Variants in STAC3 observed in about 807,000 individuals in gnomAD.
STAC3 encodes SH3 and cysteine rich domain 3, also known as SH3 and cysteine-rich domain-containing protein 3.
Under a neutral mutation model 48.5 loss-of-function variants are expected in STAC3, and 30 were observed. The ratio of observed to expected loss-of-function variants is 0.62; its 90% CI spans 0.46 to 0.84. The LOEUF (loss-of-function observed/expected upper bound fraction) is 0.84, where lower values mean the gene tolerates loss of function less well. Among genes scored for constraint, STAC3 ranks in the 40% least tolerant of loss-of-function variants. The pLI, the probability that STAC3 is intolerant of heterozygous loss-of-function variation, is 0.00. For synonymous variants in STAC3, 144 were observed against 158.6 expected, an observed-to-expected ratio of 0.91 and a Z score of 0.69; for missense variants, 419 against 462.6, an observed-to-expected ratio of 0.91 and a Z score of 0.86.
At chr12:57,250,389 C>T (rs1186251823) in intron 1 of STAC3, among the ~76,000 whole-genome samples, 1 of 42,390 alleles carries the variant, frequency 2.4e-5, no homozygotes. Context: ...GACTTCGTCT[C>T]AAAAAAAAAA....
intron 8 of STAC3, 25 bp from the exon 9 acceptor site, chr12:57,244,647 T>C (rs889854939): frequency 3.1e-6 from 5 of 1,612,926 alleles, no homozygotes; most frequent in Non-Finnish European, 4.2e-6. Context: ...GAATGATGAG[T>C]CTTAGGGCTC....
chr12:57,243,485 C>A lies in STAC3; in HGVS notation c.*327G>T. 1 of 562,524 alleles carries A rather than the reference C, an allele frequency of 1.8e-6. No homozygotes were observed. The highest frequency in any genetic ancestry group is 3.2e-6 in the Non-Finnish European group (1 of 310,328). 34.8% of individuals were successfully genotyped at this position (562,524 alleles called of 1,614,324 possible). A position where few individuals can be genotyped will look rare whatever the true frequency, so the allele number is the denominator to read the frequency against. ...AGTTTTGTCAAAAGTTTAATAAATT[C>A]GCAACATTCGACAGTTCGCCCTCCC... On this transcript the variant is annotated 3_prime_UTR_variant, in exon 12 of 12. Coordinates refer to ENST00000332782, the MANE Select transcript of STAC3 (RefSeq NM_145064.3).
At chr12:57,246,414 TCTCA>T (rs1340190679) in intron 6 of STAC3, among the ~76,000 whole-genome samples, 1 of 148,544 alleles carries the variant, frequency 6.7e-6, no homozygotes, top group Non-Finnish European at 1.5e-5. Flanking sequence ...CTTGACAGGG[TCTCA>T]CTTTCTCCCC....
rs2037894322 is a variant in STAC3, at chr12:57,251,108, T to C, written c.-117A>G. The C allele has an allele frequency of 2.2e-6, 1 of 452,094 alleles. No individual in the cohort carries two copies. Among genetic ancestry groups the C allele is most frequent in the Non-Finnish European group, 4.4e-6 (1 of 225,422 alleles). The allele number at this position is 452,094 out of a possible 1,614,324, so 28.0% of individuals were successfully genotyped here. ...TTCCTTGGGGGCTAAGCCCCCCCAG[T>C]ACCCCCTGTGTTCACACCAGCTACC... On this transcript the variant is annotated 5_prime_UTR_variant, in exon 1 of 12. Transcript: ENST00000332782.
intron 7 of STAC3, 74 bp downstream of exon 7, chr12:57,245,071 G>T: frequency 6.2e-7 from 1 of 1,604,712 alleles, no homozygotes; most frequent in Non-Finnish European, 8.5e-7. Flanking sequence ...CCTGCCCTTT[G>T]CTCCTCCACC....
At chr12:57,247,457 G>A (rs1452646062) in intron 5 of STAC3, among the ~76,000 whole-genome samples, 6 of 116,212 alleles carry the variant, frequency 5.2e-5, no homozygotes, top group East Asian at 2.4e-4. Flanking sequence ...TTTTTGAGAC[G>A]GAGTCTCGCT....
At chr12:57,246,033 C>T (rs1013798944) in intron 6 of STAC3, among the ~76,000 whole-genome samples, 7 of 147,536 alleles carry the variant, frequency 4.7e-5, no homozygotes, top group Non-Finnish European at 1.0e-4. Context: ...CGCTTGGACC[C>T]GGGAGGCAGA....
At position 57,243,615 on chromosome 12, in the gene STAC3, G is replaced by A; in HGVS notation, c.*197C>T. ...AAAGGTTTCGGGTCCGGGCTGCTCT[G>A]GGCAGCAGGTATCCGAGGCCCCAGG... On this transcript the variant is annotated 3_prime_UTR_variant, in exon 12 of 12. Transcript: ENST00000332782. The A allele has an allele frequency of 1.4e-6, 1 of 705,226 alleles. No homozygotes were observed. The highest frequency in any genetic ancestry group is 2.6e-6 in the Non-Finnish European group (1 of 389,260). The allele number at this position is 705,226 out of a possible 1,614,324, so 43.7% of individuals were successfully genotyped here.
In STAC3 at chr12:57,243,771, A is replaced by C; in HGVS notation, c.*41T>G. ...CCCAAACTCCACTGGGCCCGCCCAG[A>C]ATGGGGTGTGGGTGTCTCCCGCTTG... On this transcript the variant is annotated 3_prime_UTR_variant, in exon 12 of 12. Transcript: ENST00000332782. 1 of 1,584,180 alleles carries C rather than the reference A, an allele frequency of 6.3e-7. No homozygotes were observed. The highest frequency in any genetic ancestry group is 1.1e-5 in the South Asian group (1 of 89,682).
In STAC3 at chr12:57,243,886, C is replaced by T. The variant is rs1202014222; in HGVS notation, c.1021G>A (p.Ala341Thr). The T allele has an allele frequency of 6.2e-7, 1 of 1,614,000 alleles. No homozygotes were observed. The highest frequency in any genetic ancestry group is 1.7e-5 in the Admixed American group (1 of 59,992). ...DQIVVQKGDE[A>T]GGYVKVYTGR... is the part of the protein sequence containing the mutation. The stretch of plus-strand genomic sequence containing the variant: ...GTGTAGACCTTGACGTAGCCGCCCG[C>T]TTCGTCTCCTTTCTGCACCACGATC... The change falls in exon 12 of 12, where the codon GCG (alanine) becomes ACG (threonine). Residue 341 changes from alanine to threonine, a missense_variant. Ala to Thr is a moderately conservative substitution (Grantham distance 58). Coordinates refer to ENST00000332782, the MANE Select transcript of STAC3 (RefSeq NM_145064.3).
In STAC3 at chr12:57,245,142, C is replaced by G; in HGVS notation, c.670+3G>C. On this transcript the variant is annotated splice_donor_region_variant and intron_variant, in intron 7 of 11. Coordinates refer to ENST00000332782, the MANE Select transcript of STAC3 (RefSeq NM_145064.3). ...TCTCTGGATGGAGGTGGGTAACACT[C>G]ACCATCCTGGGGTTTGCCTTCCTCT... 6.2e-7 allele frequency: 1 copy of G among 1,614,026 alleles called. No homozygotes were observed. Among genetic ancestry groups the G allele is most frequent in the Non-Finnish European group, 8.5e-7 (1 of 1,179,926 alleles).
At chr12:57,246,366 C>T (rs1215063516) in intron 6 of STAC3, among the ~76,000 whole-genome samples, 3 of 147,936 alleles carry the variant, frequency 2.0e-5, no homozygotes, top group Admixed American at 1.4e-4. Context: ...TTTTCCCTTC[C>T]TTCCTTCCTT....
In STAC3 at chr12:57,243,767, C is replaced by G; in HGVS notation, c.*45G>C. 8 of 1,576,496 alleles carry G rather than the reference C, an allele frequency of 5.1e-6. No individual in the cohort carries two copies. The highest frequency in any genetic ancestry group is 7.0e-6 in the Non-Finnish European group (8 of 1,148,572). On this transcript the variant is annotated 3_prime_UTR_variant, in exon 12 of 12. Coordinates refer to ENST00000332782, the MANE Select transcript of STAC3 (RefSeq NM_145064.3). The stretch of plus-strand genomic sequence containing the variant: ...CCTCCCCAAACTCCACTGGGCCCGC[C>G]CAGAATGGGGTGTGGGTGTCTCCCG...
Position 57,243,459 on chromosome 12 carries a change from A to C in STAC3, c.*353T>G. 2.1e-6 allele frequency: 1 copy of C among 473,536 alleles called. No homozygotes were observed. The highest frequency in any genetic ancestry group is 4.0e-6 in the Non-Finnish European group (1 of 253,050). 29.3% of individuals were successfully genotyped at this position (473,536 alleles called of 1,614,324 possible). The stretch of plus-strand genomic sequence containing the variant: ...ACCCCAGTTAAATAACAACTTTTCT[A>C]AGTTTTGTCAAAAGTTTAATAAATT... On this transcript the variant is annotated 3_prime_UTR_variant, in exon 12 of 12. Coordinates refer to ENST00000332782, the MANE Select transcript of STAC3 (RefSeq NM_145064.3).
rs2037881760 is a variant in STAC3, at chr12:57,250,709, G to C, written c.-2+284C>G. Reference sequence around the variant, plus strand: ...CCCTACTTTTTTCTTGAGCCCTGGGGGCCCTGTGCCTAGTTCTGTCCCAGC... The same window carrying C: ...CCCTACTTTTTTCTTGAGCCCTGGGCGCCCTGTGCCTAGTTCTGTCCCAGC... On this transcript the variant is annotated intron_variant, in intron 1 of 11. Coordinates refer to ENST00000332782, the MANE Select transcript of STAC3 (RefSeq NM_145064.3). Among the ~76,000 whole-genome samples, 4 of 152,116 alleles carry C rather than the reference G, an allele frequency of 2.6e-5. No homozygotes were observed. In the South Asian group the frequency reaches 8.3e-4, roughly 32 times the overall value.
chr12:57,245,013 C>T (rs529571982), intron 7 of STAC3, 48 bp from the exon 8 acceptor site: 1 of 1,610,200 alleles, frequency 6.2e-7, no homozygotes, highest in Admixed American at 1.7e-5. Flanking sequence ...GAGGGCAATT[C>T]TTATTCTCTT....
chr12:57,250,684 C>T (rs1289598644), intron 1 of STAC3, among the ~76,000 whole-genome samples: 1 of 152,084 alleles, frequency 6.6e-6, no homozygotes, highest in Non-Finnish European at 1.5e-5. Flanking sequence ...ATTTGTCCTC[C>T]CCTACTTTTT....
chr12:57,244,441 C>G (rs1010367421), intron 9 of STAC3, 75 bp from the exon 10 acceptor site: 5 of 1,612,664 alleles, frequency 3.1e-6, no homozygotes, highest in East Asian at 4.5e-5. Flanking sequence ...TCAATAGGCT[C>G]CAAGCCCTGA....
intron 1 of STAC3, 21 bp downstream of exon 1, chr12:57,250,972 G>C (rs2037890219): frequency 3.2e-6 from 1 of 308,082 alleles, no homozygotes; most frequent in South Asian, 2.7e-5. Context: ...TGGAAATCAA[G>C]AGGATGAAGA....
Sources: gnomAD v4.1 joint callset for allele counts (sites outside exome capture counted in the v4.1 genomes callset) on GRCh38, gnomAD v4.1.1 for gene constraint, MANE v1.5 for transcripts, NCBI Gene and HGNC (gene_info 2026-07-23, HGNC 2026-07-21) for gene names.